Variants in LY6L observed in about 807,000 individuals in gnomAD.
LY6L encodes lymphocyte antigen 6 family member L.
Under a neutral mutation model 8.3 loss-of-function variants are expected in LY6L, and 8 were observed. The ratio of observed to expected loss-of-function variants is 0.97; its 90% CI spans 0.57 to 1.74. LY6L has a LOEUF of 1.74. Ranked by LOEUF, LY6L falls within the 40% of genes most tolerant of loss-of-function variation. The pLI is 0.00. For missense variants in LY6L, 156 were observed against 183.8 expected (o/e 0.85, Z 0.87); for synonymous variants, 79 against 77.9 (o/e 1.01, Z -0.07).
rs1254844578 is a variant in LY6L, at chr8:143,083,086, T to C, written c.*435T>C. ...AGGACGGTGCCTCCGGTGTGGGTGA[T>C]GGGAAGGACGGTACCTCCGGTGTGG... On this transcript the variant is annotated 3_prime_UTR_variant, in exon 4 of 4. Coordinates refer to ENST00000562505, the MANE Select transcript of LY6L (RefSeq NM_001368160.2). 1.0e-5 allele frequency: 2 copies of C among 195,932 alleles called. No homozygotes were observed. The highest frequency in any genetic ancestry group is 2.1e-5 in the Non-Finnish European group (2 of 97,096). 12.1% of individuals were successfully genotyped at this position (195,932 alleles called of 1,614,324 possible).
intron 1 of LY6L, 116 bp downstream of exon 1, chr8:143,080,775 G>A (rs1364072763): frequency 4.4e-6 from 2 of 455,768 alleles, no homozygotes; most frequent in Non-Finnish European, 7.8e-6. Flanking sequence ...AGAGGGCCCA[G>A]GGAGAGGGAA....
chr8:143,081,172 G>A, intron 2 of LY6L, 39 bp from the exon 3 acceptor site: 1 of 1,528,266 alleles, frequency 6.5e-7, no homozygotes, highest in Admixed American at 2.0e-5. Flanking sequence ...GGCTGGAGCT[G>A]CGGACGCTGG....
chr8:143,080,782 G>A (rs927953046), intron 1 of LY6L, 123 bp downstream of exon 1: 6 of 462,364 alleles, frequency 1.3e-5, no homozygotes, highest in African/African-American at 4.0e-5. Context: ...CCAGGGAGAG[G>A]GAATGCGGGG....
At position 143,081,122 on chromosome 8, in the gene LY6L, G is replaced by T. The variant is rs1563928209; in HGVS notation, c.69G>T (p.Thr23=). The T allele has an allele frequency of 6.5e-7, 1 of 1,534,616 alleles. No individual in the cohort carries two copies. Among genetic ancestry groups the T allele is most frequent in the South Asian group, 1.2e-5 (1 of 83,986 alleles). Reference sequence around the variant, plus strand: ...TGGCGTCTGCTGGCTGCGCCACGACGCCAGGTAAGGCGCGGCCCGGGCTGG... The same window carrying T: ...TGGCGTCTGCTGGCTGCGCCACGACTCCAGGTAAGGCGCGGCCCGGGCTGG... ...LAVASAGCAT[T]PARNLSCYQC... The change falls in exon 2 of 4, where the codon ACG becomes ACT. Residue 23 remains threonine, a synonymous_variant. Transcript: ENST00000562505.
chr8:143,081,246 A>T lies in LY6L; in HGVS notation c.109A>T (p.Ser37Cys). 1 of 1,533,702 alleles carries T rather than the reference A, an allele frequency of 6.5e-7. No individual in the cohort carries two copies. Among genetic ancestry groups the T allele is most frequent in the Non-Finnish European group, 8.7e-7 (1 of 1,145,586 alleles). ...GAGCTGCTACCAGTGCTTCAAGGTC[A>T]GCAGCTGGACGGAGTGCCCGCCCAC... ...NLSCYQCFKV[S>C]SWTECPPTWC... The change falls in exon 3 of 4, where the codon AGC becomes TGC. Residue 37 changes from serine to cysteine, a missense_variant. Physicochemically the swap from Ser to Cys is moderately radical, Grantham distance 112 (BLOSUM62 -1). Coordinates refer to ENST00000562505, the MANE Select transcript of LY6L (RefSeq NM_001368160.2).
chr8:143,083,129 G>T lies in LY6L; in HGVS notation c.*478G>T. The T allele has an allele frequency of 5.6e-6, 1 of 178,948 alleles. No individual in the cohort carries two copies. Among genetic ancestry groups the T allele is most frequent in the Non-Finnish European group, 1.2e-5 (1 of 85,470 alleles). The allele number at this position is 178,948 out of a possible 1,614,324, so 11.1% of individuals were successfully genotyped here. A position where few individuals can be genotyped will look rare whatever the true frequency, so the allele number is the denominator to read the frequency against. On this transcript the variant is annotated 3_prime_UTR_variant, in exon 4 of 4. Transcript: ENST00000562505. ...CGGTGTGGGTGACGGGAAGAATGGT[G>T]CCTCCAGTGTGGGTGATGGGAAGGA...
At chr8:143,081,157 G>A in intron 2 of LY6L, 31 bp downstream of exon 2, 4 of 1,531,444 alleles carry the variant, frequency 2.6e-6, no homozygotes, top group Non-Finnish European at 2.6e-6. Flanking sequence ...GGCTGGGGGC[G>A]TCGGGGCTGG....
chr8:143,082,117 GCAGGGGTGGTC>G (rs1820440613), intron 3 of LY6L, among the ~76,000 whole-genome samples: 1 of 152,250 alleles, frequency 6.6e-6, no homozygotes, highest in Non-Finnish European at 1.5e-5. Flanking sequence ...CCCGGGGCCG[GCAGGGGTGGTC>G]CAGGCTGTGC....
intron 3 of LY6L, among the ~76,000 whole-genome samples, chr8:143,081,773 C>T (rs1563928397): frequency 6.6e-6 from 1 of 152,158 alleles, no homozygotes; most frequent in East Asian, 1.9e-4. Flanking sequence ...TATATTGCAA[C>T]TTAATATAAT....
At position 143,080,677 on chromosome 8, in the gene LY6L, C is replaced by T. The variant is rs1311136976; in HGVS notation, c.-19+18C>T. ...GAGAGAAGGTGCTGGGAGAGGGGTC[C>T]GGACTGTGGGCCGGGGGCTGGGATG... On this transcript the variant is annotated intron_variant, in intron 1 of 3. Transcript: ENST00000562505. 4.1e-5 allele frequency: 9 copies of T among 220,054 alleles called. No homozygotes were observed. The East Asian group carries it at 6.6e-4, about 16-fold the overall frequency. The allele number at this position is 220,054 out of a possible 1,614,324, so 13.6% of individuals were successfully genotyped here. A position where few individuals can be genotyped will look rare whatever the true frequency, so the allele number is the denominator to read the frequency against.
chr8:143,081,122 G>A lies in LY6L; in HGVS notation c.69G>A (p.Thr23=). ...LAVASAGCAT[T]PARNLSCYQC... is the part of the protein sequence containing the mutation. The stretch of plus-strand genomic sequence containing the variant: ...TGGCGTCTGCTGGCTGCGCCACGAC[G>A]CCAGGTAAGGCGCGGCCCGGGCTGG... The change falls in exon 2 of 4, where the codon ACG becomes ACA. Residue 23 remains threonine, a synonymous_variant. Coordinates refer to ENST00000562505, the MANE Select transcript of LY6L (RefSeq NM_001368160.2). 1 of 1,534,616 alleles carries A rather than the reference G, an allele frequency of 6.5e-7. No individual in the cohort carries two copies. The highest frequency in any genetic ancestry group is 8.7e-7 in the Non-Finnish European group (1 of 1,146,168).
chr8:143,082,642 C>T lies in LY6L; in HGVS notation c.408C>T (p.Ala136=). ...AGGTGGGCCTCAGCCTCCTCAGGGC[C>T]CTGTTGTGAGGGCCCTCCCTTTACG... ...LLQVGLSLLR[A]LL Residue 136 remains alanine (A), a synonymous_variant, in exon 4 of 4, where the codon GCC becomes GCT. Coordinates refer to ENST00000562505, the MANE Select transcript of LY6L (RefSeq NM_001368160.2). The T allele has an allele frequency of 6.7e-7, 1 of 1,494,028 alleles. No homozygotes were observed. The highest frequency in any genetic ancestry group is 2.5e-5 in the East Asian group (1 of 40,212). The allele number at this position is 1,494,028 out of a possible 1,614,324, so 92.5% of individuals were successfully genotyped here. A position where few individuals can be genotyped will look rare whatever the true frequency, so the allele number is the denominator to read the frequency against.
Position 143,081,202 on chromosome 8 carries a change from T to A in LY6L, c.74-9T>A. On this transcript the variant is annotated splice_polypyrimidine_tract_variant and intron_variant, in intron 2 of 3. Transcript: ENST00000562505. ...CGCTGGTCCACAGCGCCCCGCTTGC[T>A]GCCCACAGCTCGCAACCTGAGCTGC... is the stretch of plus-strand genomic sequence containing the variant. 2.0e-6 allele frequency: 3 copies of A among 1,528,206 alleles called. No homozygotes were observed. The highest frequency in any genetic ancestry group is 2.6e-6 in the Non-Finnish European group (3 of 1,141,574). The allele number at this position is 1,528,206 out of a possible 1,614,324, so 94.7% of individuals were successfully genotyped here.
rs762233937 is a variant in LY6L, at chr8:143,082,536, G to A, written c.302G>A (p.Arg101His). The A allele has an allele frequency of 2.6e-5, 40 of 1,535,248 alleles. 1 individual carries two copies. Among genetic ancestry groups the A allele is most frequent in the South Asian group, 8.3e-5 (7 of 84,044 alleles). The change falls in exon 4 of 4, where the codon CGC (arginine) becomes CAC (histidine). Residue 101 changes from arginine (R) to histidine (H), a missense_variant. Coordinates refer to ENST00000562505, the MANE Select transcript of LY6L (RefSeq NM_001368160.2). ...APMVQGVITR[R>H]CCSWALCNRA... The stretch of plus-strand genomic sequence containing the variant: ...ATGGTGCAAGGCGTGATCACCAGGC[G>A]CTGCTGTTCCTGGGCTCTCTGCAAC...
chr8:143,081,078 T>C lies in LY6L; in HGVS notation c.25T>C (p.Cys9Arg). 1 of 1,535,010 alleles carries C rather than the reference T, an allele frequency of 6.5e-7. No individual in the cohort carries two copies. The highest frequency in any genetic ancestry group is 2.4e-5 in the East Asian group (1 of 40,874). The change falls in exon 2 of 4, where the codon TGC becomes CGC. Residue 9 changes from cysteine to arginine, a missense_variant. Coordinates refer to ENST00000562505, the MANE Select transcript of LY6L (RefSeq NM_001368160.2). ...CATGGAGAGGCTCGTCCTAACCCTGTGCACCCTCCCGCTGGCTGTGGCGTC... is the reference window on the plus strand; with the variant it reads ...CATGGAGAGGCTCGTCCTAACCCTGCGCACCCTCCCGCTGGCTGTGGCGTC... MERLVLTL[C>R]TLPLAVASAG...
intron 1 of LY6L, 47 bp from the exon 2 acceptor site, chr8:143,080,989 G>A (rs912524007): frequency 7.3e-7 from 1 of 1,372,604 alleles, no homozygotes; most frequent in Non-Finnish European, 1.0e-6. Context: ...CTGGGGAGGG[G>A]GCTCTCTGGG....
At chr8:143,082,249 C>G (rs972332735) in intron 3 of LY6L, among the ~76,000 whole-genome samples, 176 bp from the exon 4 acceptor site, 21 of 152,230 alleles carry the variant, frequency 1.4e-4, no homozygotes, top group Admixed American at 7.2e-4. Context: ...CAGCGCCTCA[C>G]CCAGTAAAGG....
chr8:143,080,937 G>T lies in LY6L; in HGVS notation c.-18-99G>T, dbSNP rs1163804769. On this transcript the variant is annotated intron_variant, in intron 1 of 3. Coordinates refer to ENST00000562505, the MANE Select transcript of LY6L (RefSeq NM_001368160.2). ...GGAGCGCAGGAGGCTAGTGTGGGAT[G>T]GGGGGTGCGCCCTGAGTAAAGCCCC... 3.6e-6 allele frequency: 3 copies of T among 839,528 alleles called. No individual in the cohort carries two copies. The Admixed American group carries it at 7.8e-5, about 22-fold the overall frequency. 52.0% of individuals were successfully genotyped at this position (839,528 alleles called of 1,614,324 possible). A position where few individuals can be genotyped will look rare whatever the true frequency, so the allele number is the denominator to read the frequency against.
chr8:143,082,336 C>T, intron 3 of LY6L, 89 bp from the exon 4 acceptor site: 1 of 987,694 alleles, frequency 1.0e-6, no homozygotes, highest in Non-Finnish European at 1.5e-6. Flanking sequence ...CCGGCTGCTC[C>T]TTTGGAAAGC....
Sources: gnomAD v4.1 joint callset for allele counts (sites outside exome capture counted in the v4.1 genomes callset) on GRCh38, gnomAD v4.1.1 for gene constraint, MANE v1.5 for transcripts, NCBI Gene and HGNC (gene_info 2026-07-23, HGNC 2026-07-21) for gene names.